FRYL: variants seen among roughly 807,000 people sequenced by gnomAD.
FRYL encodes the protein FRY like transcription coactivator, also known as protein furry homolog-like.
In FRYL, 150 loss-of-function variants were observed where a neutral mutation model predicts 351.2. That is an observed-to-expected ratio of 0.43 (90% CI 0.37 to 0.49). FRYL has a LOEUF of 0.49. Ranked by LOEUF, FRYL falls within the 20% of genes least tolerant of loss-of-function variation. The pLI is 0.00. For synonymous variants in FRYL, 1,153 were observed against 1,257.1 expected (o/e 0.92, Z 1.75); for missense variants, 3,036 against 3,619.3 (o/e 0.84, Z 4.13).
chr4:48,602,258 T>C (rs1004170956), intron 12 of FRYL, 137 bp from the exon 13 acceptor site: 11 of 585,440 alleles, frequency 1.9e-5, no homozygotes, highest in African/African-American at 5.7e-5. Context: ...ATAAGAAATA[T>C]AATCTCATAG....
intron 1 of FRYL, among the ~76,000 whole-genome samples, chr4:48,740,283 A>C (rs1480245129): frequency 2.0e-5 from 3 of 147,848 alleles, no homozygotes. Flanking sequence ...ATAAGAAAAC[A>C]ATCTGATTTT....
Position 48,620,812 on chromosome 4 carries a change from G to A in FRYL, c.175-34C>T, listed in dbSNP as rs1035164230. 1.3e-5 allele frequency: 21 copies of A among 1,584,190 alleles called. No homozygotes were observed. In the Middle Eastern group the frequency reaches 6.7e-4, roughly 50 times the overall value. ...ACAAGATATTACCAGAAAATAAATT[G>A]TAACACTGAATGTACCACACTCTTA... On this transcript the variant is annotated intron_variant, in intron 5 of 63. Coordinates refer to ENST00000358350, the MANE Select transcript of FRYL (RefSeq NM_015030.2).
chr4:48,702,773 A>AAAAAAAAAAAAAAAAG (rs1553983293), intron 2 of FRYL, among the ~76,000 whole-genome samples: 1 of 139,280 alleles, frequency 7.2e-6, no homozygotes, highest in African/African-American at 2.7e-5. Context: ...AAAAAAAAAA[A>AAAAAAAAAAAAAAAAG]AAAGAAAAAG....
chr4:48,512,567 A>G lies in FRYL; in HGVS notation c.8059T>C (p.Trp2687Arg). ...AGCATCTGATTGACGTGGCAGCGCC[A>G]GGCTTCCTCTTCATCATCATATGCC... ...PVAYDDEEEA[W>R]RCHVNQMLSD... Residue 2687 changes from tryptophan to arginine, a missense_variant, in exon 57 of 64, where the codon TGG (tryptophan) becomes CGG (arginine). Physicochemically the swap from Trp to Arg is moderately radical, Grantham distance 101. This residue lies in a region of FRYL where 1,987 missense variants were observed against 2,311.7 expected (regional missense o/e 0.86). Transcript: ENST00000358350. 1 of 1,614,052 alleles carries G rather than the reference A, an allele frequency of 6.2e-7. No individual in the cohort carries two copies. Among genetic ancestry groups the G allele is most frequent in the Non-Finnish European group, 8.5e-7 (1 of 1,179,928 alleles).
chr4:48,551,738 T>G (rs1235274284), intron 36 of FRYL, among the ~76,000 whole-genome samples, 160 bp from the exon 37 acceptor site: 1 of 152,132 alleles, frequency 6.6e-6, no homozygotes, highest in African/African-American at 2.4e-5. Flanking sequence ...GGAAAGGACA[T>G]AAGACAAACA....
intron 4 of FRYL, among the ~76,000 whole-genome samples, chr4:48,632,106 A>ATATATATG (rs71191242): frequency 0.016 from 929 of 57,920 alleles, 23 homozygotes; most frequent in Non-Finnish European, 0.022. Flanking sequence ...ATATATATAT[A>ATATATATG]TATATATATA....
intron 2 of FRYL, among the ~76,000 whole-genome samples, chr4:48,686,354 T>C (rs1765150644): frequency 6.6e-6 from 1 of 152,226 alleles, no homozygotes; most frequent in Admixed American, 6.5e-5. Flanking sequence ...CTAACTTGTT[T>C]GTGCCTGTTC....
intron 4 of FRYL, among the ~76,000 whole-genome samples, chr4:48,623,849 T>C (rs1294860143): frequency 6.6e-6 from 1 of 151,470 alleles, no homozygotes; most frequent in Non-Finnish European, 1.5e-5. Flanking sequence ...ATATTGTATA[T>C]ACACATTCAC....
intron 24 of FRYL, 123 bp from the exon 25 acceptor site, chr4:48,575,364 A>G: frequency 9.9e-7 from 1 of 1,013,684 alleles, no homozygotes; most frequent in Non-Finnish European, 1.4e-6. Context: ...TATGAATGAT[A>G]CCTCAAATTT....
intron 32 of FRYL, among the ~76,000 whole-genome samples, chr4:48,562,141 C>T (rs1489040549): frequency 2.6e-5 from 4 of 151,888 alleles, no homozygotes; most frequent in Non-Finnish European, 2.9e-5. Flanking sequence ...ACTTAATATA[C>T]GATTACTTGA....
At position 48,531,183 on chromosome 4, in the gene FRYL, G is replaced by T. The variant is rs1252112422; in HGVS notation, c.6876C>A (p.Thr2292=). 3 of 1,608,780 alleles carry T rather than the reference G, an allele frequency of 1.9e-6. No individual in the cohort carries two copies. The East Asian group carries it at 6.7e-5, about 36-fold the overall frequency. ...CAGATATATCAAAATGAAAATCTAA[G>T]GTCTTCCCAGGCAACTCCTTAGAAA... is the stretch of plus-strand genomic sequence containing the variant. ...NNVSKELPGK[T]LDFHFDISET... The change falls in exon 50 of 64, where the codon ACC becomes ACA. Residue 2292 remains threonine, a synonymous_variant. Coordinates refer to ENST00000358350, the MANE Select transcript of FRYL (RefSeq NM_015030.2).
At position 48,572,016 on chromosome 4, in the gene FRYL, A is replaced by C. The variant is rs577407550; in HGVS notation, c.2905-1098T>G. 14 of 983,618 alleles carry C rather than the reference A, an allele frequency of 1.4e-5. 1 individual carries two copies. In the South Asian group the frequency reaches 6.1e-4, roughly 43 times the overall value. 60.9% of individuals were successfully genotyped at this position (983,618 alleles called of 1,614,324 possible). A position where few individuals can be genotyped will look rare whatever the true frequency, so the allele number is the denominator to read the frequency against. ...TGAAACAAAAATCAAATCAATGACA[A>C]AATAGGAATACTATCATGACCCTAC... On this transcript the variant is annotated intron_variant, in intron 26 of 63. Coordinates refer to ENST00000358350, the MANE Select transcript of FRYL (RefSeq NM_015030.2).
At chr4:48,514,685 TTC>T (rs1723191241) in intron 56 of FRYL, among the ~76,000 whole-genome samples, 1 of 152,250 alleles carries the variant, frequency 6.6e-6, no homozygotes, top group South Asian at 2.1e-4. Context: ...ATCACGGAAG[TTC>T]ATTCCAATAT....
At chr4:48,601,907 C>T in intron 13 of FRYL, 113 bp downstream of exon 13, 2 of 577,208 alleles carry the variant, frequency 3.5e-6, no homozygotes, top group South Asian at 4.3e-5. Context: ...CAAAGTGTTG[C>T]TATTCAAGTA....
At chr4:48,618,593 A>G (rs1216299211) in intron 7 of FRYL, 1 of 152,006 alleles carries the variant, frequency 6.6e-6, no homozygotes, top group African/African-American at 2.4e-5. Flanking sequence ...CTTTAAAAAA[A>G]AAAAAAAAAA....
intron 27 of FRYL, among the ~76,000 whole-genome samples, chr4:48,570,005 G>C (rs1187687257): frequency 6.6e-6 from 1 of 151,924 alleles, no homozygotes; most frequent in African/African-American, 2.4e-5. Flanking sequence ...ATAGAGATGG[G>C]ATTTTGCTAT....
At chr4:48,691,614 TGAC>T (rs772324162) in intron 2 of FRYL, among the ~76,000 whole-genome samples, 9 of 152,164 alleles carry the variant, frequency 5.9e-5, no homozygotes, top group Non-Finnish European at 1.3e-4. Flanking sequence ...AAACAGTGCT[TGAC>T]ACACAGTAAG....
At position 48,565,562 on chromosome 4, in the gene FRYL, T is replaced by G. The variant is rs759930915; in HGVS notation, c.3299A>C (p.Gln1100Pro). 25 of 1,609,148 alleles carry G rather than the reference T, an allele frequency of 1.6e-5. No homozygotes were observed. Among genetic ancestry groups the G allele is most frequent in the African/African-American group, 1.3e-5 (1 of 74,556 alleles). Residue 1100 changes from glutamine (Q) to proline (P), a missense_variant, in exon 29 of 64, where the codon CAA (glutamine) becomes CCA (proline). By Grantham distance (76) the Gln-to-Pro change is moderately conservative. This residue lies in a region of FRYL where 1,987 missense variants were observed against 2,311.7 expected (regional missense o/e 0.86). Coordinates refer to ENST00000358350, the MANE Select transcript of FRYL (RefSeq NM_015030.2). ...PLDRYSDRNM[Q>P]INRHQYCALK... ...CGCACAGTATTGATGTCTATTAATTTGCATATTTCTATCACTGTATCTGTC... is the reference window on the plus strand; with the variant it reads ...CGCACAGTATTGATGTCTATTAATTGGCATATTTCTATCACTGTATCTGTC...
At chr4:48,731,180 A>C (rs775027308) in intron 1 of FRYL, among the ~76,000 whole-genome samples, 1 of 152,222 alleles carries the variant, frequency 6.6e-6, no homozygotes, top group Non-Finnish European at 1.5e-5. Context: ...AGTATCCTAA[A>C]TACATATGCA....
Sources: allele counts gnomAD v4.1 joint callset (sites outside exome capture counted in the v4.1 genomes callset), GRCh38; gene constraint gnomAD v4.1.1; regional missense constraint gnomAD v4.1.1; transcripts MANE v1.5; gene names NCBI Gene and HGNC (gene_info 2026-07-23, HGNC 2026-07-21).